Variants in MAF observed in about 807,000 individuals in gnomAD.
MAF encodes transcription factor Maf.
Under a neutral mutation model 22.0 loss-of-function variants are expected in MAF, and 10 were observed. The observed-to-expected ratio is 0.45, with a 90% confidence interval of 0.28 to 0.77. The LOEUF (loss-of-function observed/expected upper bound fraction) is 0.77. Ranked by LOEUF, MAF falls within the 30% of genes least tolerant of loss-of-function variation. MAF has a pLI of 0.12. For missense variants in MAF, 544 were observed against 548.4 expected (o/e 0.99, Z 0.08); for synonymous variants, 337 against 255.8 (o/e 1.32, Z -3.03).
chr16:79,374,662 G>A, the MAF span, among the ~76,000 whole-genome samples: 1,088 of 152,342 alleles, frequency 7.1e-3, 19 homozygotes, highest in South Asian at 0.049. Flanking sequence ...AGGGGAGACA[G>A]GTGCGTAATC....
the MAF span, among the ~76,000 whole-genome samples, chr16:79,464,370 C>T: frequency 6.6e-6 from 1 of 152,094 alleles, no homozygotes; most frequent in Non-Finnish European, 1.5e-5. Context: ...TCTAGCCCAC[C>T]ACAGTAGCCG....
chr16:79,247,296 T>C, the MAF span, among the ~76,000 whole-genome samples: 1 of 152,240 alleles, frequency 6.6e-6, no homozygotes, highest in Non-Finnish European at 1.5e-5. Context: ...TTGAAATTAC[T>C]GGCATGTCAA....
At chr16:79,470,251 T>C in the MAF span, among the ~76,000 whole-genome samples, 1 of 152,232 alleles carries the variant, frequency 6.6e-6, no homozygotes, top group South Asian at 2.1e-4. Context: ...TCCTTTGTCC[T>C]CTGAACCCCA....
chr16:79,570,635 T>C, the MAF span, among the ~76,000 whole-genome samples: 6 of 152,200 alleles, frequency 3.9e-5, no homozygotes, highest in South Asian at 1.2e-3. Context: ...CAACTGGCTC[T>C]ATGGGTGGGT....
chr16:79,471,654 G>A, the MAF span, among the ~76,000 whole-genome samples: 2 of 152,176 alleles, frequency 1.3e-5, no homozygotes. Context: ...TCCAGCCTGG[G>A]CATCACGGCA....
chr16:79,526,121 G>A, the MAF span, among the ~76,000 whole-genome samples: 1 of 152,208 alleles, frequency 6.6e-6, no homozygotes, highest in Non-Finnish European at 1.5e-5. Context: ...CAAATGTGAA[G>A]AGATTCACAC....
At chr16:79,231,290 C>T in the MAF span, among the ~76,000 whole-genome samples, 1 of 151,972 alleles carries the variant, frequency 6.6e-6, no homozygotes, top group Admixed American at 6.6e-5. Flanking sequence ...AGGGAGATGC[C>T]ACAATTTTGG....
At chr16:79,309,048 G>C in the MAF span, among the ~76,000 whole-genome samples, 1 of 152,184 alleles carries the variant, frequency 6.6e-6, no homozygotes, top group Non-Finnish European at 1.5e-5. Flanking sequence ...AGGAGTTGAG[G>C]CTCTAATCTG....
the MAF span, among the ~76,000 whole-genome samples, chr16:79,476,780 G>A: frequency 6.6e-6 from 1 of 152,322 alleles, no homozygotes; most frequent in Admixed American, 6.5e-5. Flanking sequence ...GTACCAGGCT[G>A]CTGTCACCCA....
chr16:79,274,016 A>C, the MAF span, among the ~76,000 whole-genome samples: 1 of 134,312 alleles, frequency 7.4e-6, no homozygotes, highest in South Asian at 2.4e-4. Flanking sequence ...GTGCAAGGGC[A>C]CGATCTCGGC....
the MAF span, among the ~76,000 whole-genome samples, chr16:79,294,744 G>A: frequency 6.6e-6 from 1 of 152,294 alleles, no homozygotes; most frequent in East Asian, 1.9e-4. Flanking sequence ...GGTTTATCTA[G>A]TTCCAAAGTC....
the MAF span, among the ~76,000 whole-genome samples, chr16:79,488,263 C>T: frequency 6.6e-6 from 1 of 152,120 alleles, no homozygotes; most frequent in Admixed American, 6.5e-5. Context: ...AAAATCAAAC[C>T]TTGTGAGGAC....
chr16:79,501,906 C>T, the MAF span, among the ~76,000 whole-genome samples: 3 of 152,132 alleles, frequency 2.0e-5, no homozygotes, highest in African/African-American at 7.2e-5. Flanking sequence ...TATTTTTCCC[C>T]CGCCAGCGGC....
At chr16:79,500,436 A>T in the MAF span, among the ~76,000 whole-genome samples, 2 of 152,202 alleles carry the variant, frequency 1.3e-5, no homozygotes, top group South Asian at 4.1e-4. Flanking sequence ...TCTCCACAAG[A>T]CCTCTGTCTG....
chr16:79,237,053 A>T, the MAF span, among the ~76,000 whole-genome samples: 1 of 151,984 alleles, frequency 6.6e-6, no homozygotes, highest in Non-Finnish European at 1.5e-5. Flanking sequence ...GGATTGCCAG[A>T]GTGTGCCTTG....
the MAF span, among the ~76,000 whole-genome samples, chr16:79,210,791 T>C: frequency 5.4e-4 from 82 of 152,274 alleles, 1 homozygote; most frequent in Middle Eastern, 3.4e-3. Context: ...TTGGATGATA[T>C]GATGCCTCAT....
the MAF span, among the ~76,000 whole-genome samples, chr16:79,495,148 T>G: frequency 2.6e-5 from 4 of 152,056 alleles, no homozygotes; most frequent in Non-Finnish European, 4.4e-5. Context: ...GATTAAATCA[T>G]TGGTTATTGG....
At chr16:79,468,149 G>C in the MAF span, among the ~76,000 whole-genome samples, 1 of 152,034 alleles carries the variant, frequency 6.6e-6, no homozygotes, top group East Asian at 1.9e-4. Context: ...TTTATTCTCC[G>C]CCATTTTCTC....
chr16:79,221,757 G>A, the MAF span, among the ~76,000 whole-genome samples: 2 of 151,964 alleles, frequency 1.3e-5, no homozygotes, highest in Non-Finnish European at 1.5e-5. Flanking sequence ...GATTGTGTGT[G>A]TATGTGTGTG....
Sources: gnomAD v4.1 joint callset for allele counts (sites outside exome capture counted in the v4.1 genomes callset) on GRCh38, gnomAD v4.1.1 for gene constraint, MANE v1.5 for transcripts, NCBI Gene and HGNC (gene_info 2026-07-23, HGNC 2026-07-21) for gene names.